The following OOSP3 variants were observed in gnomAD, a reference collection of about 807,000 sequenced individuals.
The protein encoded by OOSP3 is oocyte secreted protein family member 3, also known as oocyte-secreted protein 3.
At chr11:59,886,841 G>A (rs930184232) in intron 2 of OOSP3, among the ~76,000 whole-genome samples, 1 of 150,246 alleles carries the variant, frequency 6.7e-6, no homozygotes, top group African/African-American at 2.5e-5. Context: ...CCCAGGCTGG[G>A]GTGCAGTGGT....
chr11:59,880,246 A>G lies in OOSP3; in HGVS notation c.74-15A>G, dbSNP rs943703292. 2 of 398,170 alleles carry G rather than the reference A, an allele frequency of 5.0e-6. No individual in the cohort carries two copies. The highest frequency in any genetic ancestry group is 4.4e-5 in the Admixed American group (1 of 22,706). 24.7% of individuals were successfully genotyped at this position (398,170 alleles called of 1,614,324 possible). On this transcript the variant is annotated splice_polypyrimidine_tract_variant and intron_variant, in intron 1 of 4. Transcript: ENST00000646438. ...AATTGCTATCTAAATGTTTAAAAAA[A>G]TTTTTTTTCAACAGTGTCAGTAGGA...
At chr11:59,890,667 C>G (rs1853303275) in intron 2 of OOSP3, among the ~76,000 whole-genome samples, 1 of 152,156 alleles carries the variant, frequency 6.6e-6, no homozygotes, top group Non-Finnish European at 1.5e-5. Flanking sequence ...GATGGGCTTA[C>G]CTTTGTAGGT....
intron 2 of OOSP3, among the ~76,000 whole-genome samples, chr11:59,882,274 T>C (rs986412960): frequency 6.7e-6 from 1 of 149,570 alleles, no homozygotes; most frequent in Non-Finnish European, 1.5e-5. Context: ...ATTTTTTTTT[T>C]TCCCCCCTGT....
At chr11:59,890,267 C>T (rs1266034501) in intron 2 of OOSP3, among the ~76,000 whole-genome samples, 1 of 152,126 alleles carries the variant, frequency 6.6e-6, no homozygotes, top group Non-Finnish European at 1.5e-5. Context: ...GGGCATTTAG[C>T]ACATTTACAT....
intron 2 of OOSP3, among the ~76,000 whole-genome samples, chr11:59,892,289 T>C (rs1680375859): frequency 6.6e-6 from 1 of 152,208 alleles, no homozygotes; most frequent in Non-Finnish European, 1.5e-5. Flanking sequence ...CTTTTCCTTG[T>C]GCAGCTCCTG....
intron 2 of OOSP3, among the ~76,000 whole-genome samples, chr11:59,889,229 T>TG (rs1044832592): frequency 6.7e-6 from 1 of 149,324 alleles, no homozygotes; most frequent in African/African-American, 2.4e-5. Context: ...TTTTGTTGAT[T>TG]TTTTTTTTTT....
chr11:59,894,137 G>A (rs1853335673), exon 3 of OOSP3: 1 of 398,388 alleles, frequency 2.5e-6, no homozygotes, highest in Non-Finnish European at 4.4e-6. Flanking sequence ...ATGCACAAAG[G>A]AGTCACTGGC....
intron 2 of OOSP3, among the ~76,000 whole-genome samples, chr11:59,886,316 C>T (rs920567906): frequency 6.6e-5 from 10 of 152,202 alleles, no homozygotes; most frequent in Non-Finnish European, 1.3e-4. Flanking sequence ...TGGGTTGATT[C>T]CATGTCTTTG....
intron 3 of OOSP3, among the ~76,000 whole-genome samples, chr11:59,895,202 C>T (rs1365150555): frequency 1.3e-5 from 2 of 151,046 alleles, no homozygotes; most frequent in East Asian, 1.9e-4. Context: ...TCAGTTTATA[C>T]TTGTAAGAGA....
intron 2 of OOSP3, among the ~76,000 whole-genome samples, chr11:59,889,503 T>A (rs1451524744): frequency 1.3e-5 from 2 of 152,348 alleles, no homozygotes; most frequent in Non-Finnish European, 2.9e-5. Context: ...ATTGTCTTCT[T>A]GTTCTCATTA....
intron 2 of OOSP3, 70 bp from the exon 3 acceptor site, chr11:59,894,009 C>T: frequency 2.5e-6 from 1 of 397,434 alleles, no homozygotes; most frequent in Non-Finnish European, 4.4e-6. Context: ...TTGATCTGTT[C>T]ACTGTTCAAA....
At chr11:59,887,983 GT>G (rs1291070171) in intron 2 of OOSP3, among the ~76,000 whole-genome samples, 4 of 152,124 alleles carry the variant, frequency 2.6e-5, no homozygotes, top group Admixed American at 1.3e-4. Flanking sequence ...TCCTTGAGCA[GT>G]GATTTGTAGT....
chr11:59,884,475 G>GTCTCTCTCTCTCTC (rs60145654), intron 2 of OOSP3, among the ~76,000 whole-genome samples: 17 of 113,876 alleles, frequency 1.5e-4, no homozygotes, highest in Admixed American at 1.2e-3. Context: ...CTGTCTGTCT[G>GTCTCTCTCTCTCTC]TCTCTCTCTC....
At chr11:59,878,866 T>A in exon 1 of OOSP3, 1 of 398,446 alleles carries the variant, frequency 2.5e-6, no homozygotes, top group Non-Finnish European at 4.4e-6. Flanking sequence ...TTTGACTCTT[T>A]CTGAGCAAGA....
intron 2 of OOSP3, 81 bp from the exon 3 acceptor site, chr11:59,893,998 C>T (rs558314200): frequency 2.5e-6 from 1 of 396,926 alleles, no homozygotes; most frequent in Admixed American, 4.4e-5. Flanking sequence ...TACATCTTAT[C>T]TTGATCTGTT....
At chr11:59,887,339 T>C (rs1291390464) in intron 2 of OOSP3, among the ~76,000 whole-genome samples, 3 of 152,098 alleles carry the variant, frequency 2.0e-5, no homozygotes, top group African/African-American at 7.2e-5. Flanking sequence ...TATGATGCAA[T>C]TTTTTGGCAA....
At chr11:59,894,686 CA>C (rs1486443712) in intron 3 of OOSP3, among the ~76,000 whole-genome samples, 1 of 152,162 alleles carries the variant, frequency 6.6e-6, no homozygotes, top group Non-Finnish European at 1.5e-5. Context: ...AAATCACCTG[CA>C]CATAAATATC....
chr11:59,885,764 G>A (rs1278673566), intron 2 of OOSP3, among the ~76,000 whole-genome samples: 1 of 151,858 alleles, frequency 6.6e-6, no homozygotes, highest in Non-Finnish European at 1.5e-5. Flanking sequence ...ACATTCATAA[G>A]GTACATTGAT....
intron 1 of OOSP3, 102 bp from the exon 2 acceptor site, chr11:59,880,159 G>A (rs896787757): frequency 5.0e-6 from 2 of 396,382 alleles, no homozygotes; most frequent in African/African-American, 4.1e-5. Context: ...TTTTACAGTG[G>A]TGTATATACA....
Sources: allele counts gnomAD v4.1 joint callset (sites outside exome capture counted in the v4.1 genomes callset), GRCh38; gene constraint gnomAD v4.1.1; transcripts MANE v1.5; gene names NCBI Gene and HGNC (gene_info 2026-07-23, HGNC 2026-07-21).